The following PCDH11Y variants were observed in gnomAD, a reference collection of about 807,000 sequenced individuals.
PCDH11Y encodes protocadherin 11 Y-linked.
For synonymous variants in PCDH11Y, 9 were observed against 83.6 expected (o/e 0.11, Z 4.87); for missense variants, 12 against 224.8 (o/e 0.05, Z 6.05).
intron 4 of PCDH11Y, among the ~76,000 whole-genome samples, chrY:5,703,425 A>G (rs2053579848): frequency 1.7e-3 from 56 of 33,643 alleles, no homozygotes; most frequent in South Asian, 3.2e-3. Context: ...ATATACCCTC[A>G]GCTAGACTGA....
chrY:5,133,467 T>C, intron 2 of PCDH11Y, among the ~76,000 whole-genome samples: 1 of 32,164 alleles, frequency 3.1e-5, no homozygotes, highest in Non-Finnish European at 7.6e-5. Context: ...ATGCATTGTG[T>C]AACAATCACA....
intron 4 of PCDH11Y, among the ~76,000 whole-genome samples, chrY:5,723,755 G>T (rs2053596699): frequency 3.0e-5 from 1 of 33,423 alleles, no homozygotes; most frequent in Non-Finnish European, 7.5e-5. Flanking sequence ...GAACAACCCA[G>T]ATTCAATGCA....
At chrY:5,463,724 A>G in intron 2 of PCDH11Y, among the ~76,000 whole-genome samples, 1 of 30,424 alleles carries the variant, frequency 3.3e-5, no homozygotes, top group African/African-American at 1.3e-4. Context: ...TTCCTCTTAT[A>G]TATGGTCCTT....
chrY:5,346,423 T>C, intron 2 of PCDH11Y, among the ~76,000 whole-genome samples: 2 of 32,348 alleles, frequency 6.2e-5, no homozygotes, highest in Admixed American at 2.9e-4. Context: ...AGAGATGGGG[T>C]TTCACCATGT....
chrY:5,419,940 A>G, intron 2 of PCDH11Y, among the ~76,000 whole-genome samples: 1 of 30,523 alleles, frequency 3.3e-5, no homozygotes, highest in Non-Finnish European at 7.9e-5. Flanking sequence ...CCTGTTAAGC[A>G]TATACATTTG....
chrY:5,019,844 T>G, intron 1 of PCDH11Y, among the ~76,000 whole-genome samples: 2 of 31,789 alleles, frequency 6.3e-5, no homozygotes, highest in African/African-American at 2.4e-4. Context: ...TACCACTAGA[T>G]AGCAGTGAGG....
At chrY:5,147,584 G>A (rs2052858747) in intron 2 of PCDH11Y, among the ~76,000 whole-genome samples, 1 of 32,387 alleles carries the variant, frequency 3.1e-5, no homozygotes. Flanking sequence ...AAGAATAACT[G>A]CCTGCCAGAG....
intron 4 of PCDH11Y, among the ~76,000 whole-genome samples, chrY:5,693,081 T>C: frequency 3.1e-5 from 1 of 32,666 alleles, no homozygotes; most frequent in Non-Finnish European, 7.5e-5. Flanking sequence ...TTTAAATGCA[T>C]GTTCATGCAA....
chrY:5,360,536 CATT>C (rs2053173809), intron 2 of PCDH11Y, among the ~76,000 whole-genome samples: 2 of 32,773 alleles, frequency 6.1e-5, no homozygotes, highest in Non-Finnish European at 1.5e-4. Flanking sequence ...AAAAAAATGT[CATT>C]ATCTCTAAAC....
intron 2 of PCDH11Y, among the ~76,000 whole-genome samples, chrY:5,441,979 A>G: frequency 3.7e-5 from 1 of 27,307 alleles, no homozygotes; most frequent in Non-Finnish European, 8.7e-5. Context: ...TCTCAGAAAT[A>G]CAACATATGA....
intron 2 of PCDH11Y, among the ~76,000 whole-genome samples, chrY:5,362,902 G>A: frequency 3.2e-5 from 1 of 31,698 alleles, no homozygotes; most frequent in Admixed American, 3.0e-4. Flanking sequence ...GTTCTATAAA[G>A]GCTTTTTTTA....
chrY:5,072,037 T>C, intron 1 of PCDH11Y, among the ~76,000 whole-genome samples: 1 of 33,718 alleles, frequency 3.0e-5, no homozygotes, highest in Non-Finnish European at 7.4e-5. Flanking sequence ...TTGTGGGCAT[T>C]ATAGTTTGGA....
intron 2 of PCDH11Y, among the ~76,000 whole-genome samples, chrY:5,434,540 T>TTC (rs2053271975): frequency 3.4e-5 from 1 of 29,217 alleles, no homozygotes; most frequent in Non-Finnish European, 8.3e-5. Flanking sequence ...CTCTCTCTCT[T>TTC]TCTCTCTCTC....
chrY:5,656,876 C>CA (rs2053536962), intron 4 of PCDH11Y, among the ~76,000 whole-genome samples: 11 of 29,239 alleles, frequency 3.8e-4, no homozygotes, highest in Non-Finnish European at 6.7e-4. Context: ...TAACACTGGC[C>CA]AAAAAAAAAC....
intron 2 of PCDH11Y, among the ~76,000 whole-genome samples, chrY:5,460,468 T>C: frequency 3.0e-5 from 1 of 32,819 alleles, no homozygotes; most frequent in Non-Finnish European, 7.6e-5. Flanking sequence ...GAGAGCATTT[T>C]TGCTACATTT....
chrY:5,499,142 T>TAAAAC (rs2053349586), intron 2 of PCDH11Y, among the ~76,000 whole-genome samples: 2 of 33,026 alleles, frequency 6.1e-5, no homozygotes, highest in Admixed American at 5.7e-4. Flanking sequence ...AGACCCTGTC[T>TAAAAC]AAAACAAAAC....
At chrY:5,286,106 C>T (rs78072884) in intron 2 of PCDH11Y, among the ~76,000 whole-genome samples, 1 of 30,825 alleles carries the variant, frequency 3.2e-5, no homozygotes, top group East Asian at 9.8e-4. Flanking sequence ...GGTCCAGTTC[C>T]GGCACCATTT....
intron 2 of PCDH11Y, among the ~76,000 whole-genome samples, chrY:5,259,997 C>T: frequency 3.5e-5 from 1 of 28,565 alleles, no homozygotes; most frequent in Non-Finnish European, 8.3e-5. Flanking sequence ...TCCTTCAGCA[C>T]TTTAAATATG....
chrY:5,373,771 C>A, intron 2 of PCDH11Y, among the ~76,000 whole-genome samples: 2 of 30,668 alleles, frequency 6.5e-5, no homozygotes, highest in Non-Finnish European at 1.6e-4. Flanking sequence ...CACACACACA[C>A]ACACACATAA....
Sources: gnomAD v4.1 joint callset for allele counts (sites outside exome capture counted in the v4.1 genomes callset) on GRCh38, gnomAD v4.1.1 for gene constraint, MANE v1.5 for transcripts, NCBI Gene and HGNC (gene_info 2026-07-23, HGNC 2026-07-21) for gene names.